RTCA: variants seen among roughly 807,000 people sequenced by gnomAD.
RTCA encodes RNA 3'-terminal phosphate cyclase.
A neutral mutation model predicts 46.1 loss-of-function variants in RTCA; 37 were observed. The ratio of observed to expected loss-of-function variants is 0.80; its 90% CI spans 0.62 to 1.06. RTCA has a LOEUF of 1.06. Among genes scored for constraint, RTCA ranks in the 50% least tolerant of loss-of-function variants. The pLI is 0.00. For synonymous variants in RTCA, 164 were observed against 158.3 expected, an observed-to-expected ratio of 1.04 and a Z score of -0.27; for missense variants, 435 against 455.5, an observed-to-expected ratio of 0.95 and a Z score of 0.41.
At chr1:100,280,272 A>G (rs988820059) in intron 8 of RTCA, among the ~76,000 whole-genome samples, 3 of 152,142 alleles carry the variant, frequency 2.0e-5, no homozygotes, top group Non-Finnish European at 4.4e-5. Context: ...ATAATTTTAG[A>G]TATGCTGCGT....
intron 8 of RTCA, among the ~76,000 whole-genome samples, chr1:100,279,183 A>T (rs1415107543): frequency 2.0e-5 from 3 of 152,144 alleles, no homozygotes; most frequent in Non-Finnish European, 4.4e-5. Context: ...GAGAAGTGTG[A>T]GTTTGTTTGT....
At chr1:100,266,849 CTAAA>C in intron 2 of RTCA, 1 of 549,122 alleles carries the variant, frequency 1.8e-6, no homozygotes, top group South Asian at 2.5e-5. Flanking sequence ...CTCTGTTTGA[CTAAA>C]TAGTGTCATT....
intron 2 of RTCA, 188 bp from the exon 3 acceptor site, chr1:100,267,964 A>C: frequency 1.5e-6 from 1 of 665,558 alleles, no homozygotes; most frequent in Non-Finnish European, 2.5e-6. Flanking sequence ...GAAGTGTTAA[A>C]ATGATACATA....
Position 100,281,722 on chromosome 1 carries a change from G to GT in RTCA, c.800-3495dup, listed in dbSNP as rs1024592484. 9.9e-3 allele frequency among the ~76,000 whole-genome samples: 1,415 copies of GT among 143,594 alleles called. 8 individuals are homozygous for GT. The highest frequency in any genetic ancestry group is 0.015 in the Non-Finnish European group (999 of 65,082). 94.2% of individuals were successfully genotyped at this position (143,594 alleles called of 152,430 possible). ...AGGGCATCTCTCTGTTTTTGTTTTT[G>GT]TTTTTTTTTTTCGAGACGGAATCTT... On this transcript the variant is annotated intron_variant, in intron 8 of 10. Transcript: ENST00000370128.
At chr1:100,277,567 C>G (rs1451631296) in intron 8 of RTCA, among the ~76,000 whole-genome samples, 3 of 152,150 alleles carry the variant, frequency 2.0e-5, no homozygotes, top group Non-Finnish European at 4.4e-5. Flanking sequence ...CTTAGATTCA[C>G]TAGTTATGAA....
chr1:100,286,920 A>C (rs530004620), intron 9 of RTCA, among the ~76,000 whole-genome samples, 179 bp from the exon 10 acceptor site: 2 of 152,242 alleles, frequency 1.3e-5, no homozygotes, highest in South Asian at 4.1e-4. Context: ...TACTACTCAC[A>C]GACTTAGGGT....
At chr1:100,281,441 T>C (rs1666701632) in intron 8 of RTCA, 1 of 401,438 alleles carries the variant, frequency 2.5e-6, no homozygotes, top group Admixed American at 3.3e-5. Context: ...GTGATTGTGA[T>C]CTATGTTTAA....
chr1:100,269,689 C>T (rs187942328), intron 3 of RTCA, among the ~76,000 whole-genome samples: 1 of 152,160 alleles, frequency 6.6e-6, no homozygotes, highest in Non-Finnish European at 1.5e-5. Context: ...TTTTATTATA[C>T]TTTAAGTTCT....
rs779976255 is a variant in RTCA, at chr1:100,270,684, AG to A, written c.414+7del. The A allele has an allele frequency of 1.2e-5, 20 of 1,613,286 alleles. No individual in the cohort carries two copies. The highest frequency in any genetic ancestry group is 1.6e-5 in the Non-Finnish European group (19 of 1,179,698). On this transcript the variant is annotated splice_donor_5th_base_variant and intron_variant, in intron 4 of 10. Transcript: ENST00000370128. ...ACAGATCGATTATACAGTGATGGTA[AG>A]GGCTTTTGTTGTTGACAAACTAAGA...
Position 100,267,626 on chromosome 1 carries a change from G to A in RTCA, c.147-526G>A, listed in dbSNP as rs371547160. 11 of 1,335,196 alleles carry A rather than the reference G, an allele frequency of 8.2e-6. No individual in the cohort carries two copies. In the South Asian group the frequency reaches 2.0e-4, roughly 24 times the overall value. 82.7% of individuals were successfully genotyped at this position (1,335,196 alleles called of 1,614,324 possible). A position where few individuals can be genotyped will look rare whatever the true frequency, so the allele number is the denominator to read the frequency against. On this transcript the variant is annotated intron_variant, in intron 2 of 10. Coordinates refer to ENST00000370128, the MANE Select transcript of RTCA (RefSeq NM_003729.4). ...ACATGGTGGTTCCTCTGTGTACCTT[G>A]CCCCTAGCGTCTCTGTATGTTCTAG...
chr1:100,270,590 G>A lies in RTCA; in HGVS notation c.324G>A (p.Pro108=), dbSNP rs116471813. 1.5e-4 allele frequency: 244 copies of A among 1,613,988 alleles called. No homozygotes were observed. The African/African-American group carries it at 2.5e-3, about 17-fold the overall frequency. ...SVCLLMQVSM[P]CVLFAASPSE... ...GCCTCTTGATGCAGGTCTCAATGCC[G>A]TGTGTTCTCTTTGCTGCTTCTCCAT... Residue 108 remains proline (P), a synonymous_variant, in exon 4 of 11, where the codon CCG becomes CCA. Coordinates refer to ENST00000370128, the MANE Select transcript of RTCA (RefSeq NM_003729.4).
At chr1:100,267,975 C>A in intron 2 of RTCA, 177 bp from the exon 3 acceptor site, 1 of 709,254 alleles carries the variant, frequency 1.4e-6, no homozygotes, top group South Asian at 2.0e-5. Context: ...ATGATACATA[C>A]TAGCAGGTAG....
chr1:100,269,203 A>C (rs1293857017), intron 3 of RTCA, among the ~76,000 whole-genome samples: 3 of 151,930 alleles, frequency 2.0e-5, no homozygotes, highest in Non-Finnish European at 2.9e-5. Flanking sequence ...GTCTCAAAAA[A>C]AGAAAAGATA....
At chr1:100,278,418 A>C (rs1557977131) in intron 8 of RTCA, among the ~76,000 whole-genome samples, 1 of 152,208 alleles carries the variant, frequency 6.6e-6, no homozygotes. Flanking sequence ...TTTTAGGTGA[A>C]CTTCTAGTTG....
chr1:100,276,760 T>C (rs1666409350), intron 7 of RTCA, among the ~76,000 whole-genome samples: 1 of 152,248 alleles, frequency 6.6e-6, no homozygotes, highest in African/African-American at 2.4e-5. Context: ...AACTGATGTT[T>C]TTGAAGTATA....
intron 9 of RTCA, among the ~76,000 whole-genome samples, chr1:100,286,483 A>C (rs911956444): frequency 1.6e-4 from 24 of 150,620 alleles, no homozygotes; most frequent in African/African-American, 5.4e-4. Flanking sequence ...AAAACGAAAA[A>C]CAAAAAAAAC....
intron 5 of RTCA, among the ~76,000 whole-genome samples, chr1:100,274,339 T>A (rs1232868582): frequency 6.6e-6 from 1 of 152,242 alleles, no homozygotes; most frequent in Non-Finnish European, 1.5e-5. Flanking sequence ...GTTTTGCTAC[T>A]TAAATATTCA....
chr1:100,273,593 T>TA (rs1193770668), intron 5 of RTCA, 141 bp downstream of exon 5: 1 of 499,326 alleles, frequency 2.0e-6, no homozygotes, highest in African/African-American at 2.0e-5. Context: ...CTTTGTGGCT[T>TA]AAAAATAATG....
intron 10 of RTCA, among the ~76,000 whole-genome samples, chr1:100,289,697 A>G (rs1485702214): frequency 6.6e-6 from 1 of 152,200 alleles, no homozygotes; most frequent in Non-Finnish European, 1.5e-5. Context: ...TACTTTACAT[A>G]TAGTAGATGC....
Sources: gnomAD v4.1 joint callset for allele counts (sites outside exome capture counted in the v4.1 genomes callset) on GRCh38, gnomAD v4.1.1 for gene constraint, MANE v1.5 for transcripts, NCBI Gene and HGNC (gene_info 2026-07-23, HGNC 2026-07-21) for gene names.